The following ASCC2 variants were observed in gnomAD, a reference collection of about 807,000 sequenced individuals.
ASCC2 encodes ASC-1 complex subunit P100.
In ASCC2, 42 loss-of-function variants were observed where a neutral mutation model predicts 93.5. That is an observed-to-expected ratio of 0.45 (90% CI 0.35 to 0.58). The LOEUF is 0.58. Among genes scored for constraint, ASCC2 ranks in the 20% least tolerant of loss-of-function variants. ASCC2 has a pLI of 0.00. For synonymous variants in ASCC2, 364 were observed against 384.2 expected, an observed-to-expected ratio of 0.95 and a Z score of 0.62; for missense variants, 859 against 977.6, an observed-to-expected ratio of 0.88 and a Z score of 1.62.
At chr22:29,799,111 T>G (rs2058778805) in intron 15 of ASCC2, 1 of 152,308 alleles carries the variant, frequency 6.6e-6, no homozygotes, top group Admixed American at 6.5e-5. Context: ...GATGAGACTT[T>G]ACAATACCAT....
In ASCC2 at chr22:29,801,665, G is replaced by A. The variant is rs1433456723; in HGVS notation, c.1568+329C>T. On this transcript the variant is annotated intron_variant, in intron 14 of 19. Transcript: ENST00000307790. ...CTCTCACAAATCTACTGGGAAGGTC[G>A]TAATGACAGGGGCAGGTCAGGAATG... is the stretch of plus-strand genomic sequence containing the variant. Among the ~76,000 whole-genome samples the A allele has an allele frequency of 2.6e-5, 4 of 152,192 alleles. No individual in the cohort carries two copies. The South Asian group carries it at 6.2e-4, about 24-fold the overall frequency.
intron 8 of ASCC2, among the ~76,000 whole-genome samples, chr22:29,809,640 A>C (rs543605433): frequency 2.0e-5 from 3 of 151,982 alleles, no homozygotes; most frequent in African/African-American, 7.2e-5. Flanking sequence ...TTAGCTAGGC[A>C]TGGGGGCGGG....
At chr22:29,829,739 T>C (rs1377271100) in intron 2 of ASCC2, among the ~76,000 whole-genome samples, 1 of 151,808 alleles carries the variant, frequency 6.6e-6, no homozygotes, top group Non-Finnish European at 1.5e-5. Context: ...CCCGAGCTGG[T>C]CTTGAACTCC....
intron 4 of ASCC2, among the ~76,000 whole-genome samples, chr22:29,823,087 G>A (rs936071923): frequency 6.6e-6 from 1 of 151,888 alleles, no homozygotes; most frequent in Non-Finnish European, 1.5e-5. Context: ...TGCCCAGGCT[G>A]GAGTGCAGTG....
chr22:29,824,259 C>T (rs1321783968), intron 4 of ASCC2, among the ~76,000 whole-genome samples: 1 of 121,514 alleles, frequency 8.2e-6, no homozygotes, highest in African/African-American at 3.0e-5. Context: ...AATACACACA[C>T]ACACACACAC....
chr22:29,837,517 C>T (rs1175282140), intron 1 of ASCC2, among the ~76,000 whole-genome samples: 2 of 152,190 alleles, frequency 1.3e-5, no homozygotes, highest in Non-Finnish European at 2.9e-5. Context: ...CTGTGCCCAC[C>T]ACTGTATTCC....
intron 15 of ASCC2, among the ~76,000 whole-genome samples, chr22:29,798,053 C>G (rs1394959961): frequency 6.6e-6 from 1 of 152,224 alleles, no homozygotes; most frequent in Non-Finnish European, 1.5e-5. Flanking sequence ...AGCCACCACG[C>G]CCAGCCGGCA....
chr22:29,817,021 G>A (rs2060942574), intron 5 of ASCC2, among the ~76,000 whole-genome samples: 1 of 152,230 alleles, frequency 6.6e-6, no homozygotes, highest in South Asian at 2.1e-4. Flanking sequence ...TGCAGCCCTT[G>A]CTGGACCCTG....
At chr22:29,818,343 ATG>A (rs1336634123) in intron 5 of ASCC2, among the ~76,000 whole-genome samples, 1 of 148,204 alleles carries the variant, frequency 6.7e-6, no homozygotes, top group Admixed American at 6.8e-5. Flanking sequence ...GCTGCTGTGT[ATG>A]TGTGTGTGAG....
intron 5 of ASCC2, chr22:29,816,818 A>T (rs1602068468): frequency 9.6e-6 from 1 of 104,172 alleles, no homozygotes; most frequent in East Asian, 3.0e-4. Context: ...GGAGAGAGGG[A>T]GGGAGGGAGG....
intron 2 of ASCC2, among the ~76,000 whole-genome samples, chr22:29,827,769 C>T (rs1279347422): frequency 1.5e-5 from 2 of 131,130 alleles, no homozygotes; most frequent in African/African-American, 3.1e-5. Flanking sequence ...CACACACACA[C>T]ACACACACAC....
rs2068486785 is a variant in ASCC2 at position 29,788,960 on chromosome 22, C to T, written c.*53G>A. 3 of 1,609,338 alleles carry T rather than the reference C, an allele frequency of 1.9e-6. No homozygotes were observed. Among genetic ancestry groups the T allele is most frequent in the Admixed American group, 1.7e-5 (1 of 59,842 alleles). ...GTGAGGAGGCCCCAGGCGATGGGAGCACGGCCTGGTGAGTCTGGTGCCGCT... is the reference window on the plus strand; with the variant it reads ...GTGAGGAGGCCCCAGGCGATGGGAGTACGGCCTGGTGAGTCTGGTGCCGCT... On this transcript the variant is annotated 3_prime_UTR_variant, in exon 20 of 20. Transcript: ENST00000307790.
intron 15 of ASCC2, among the ~76,000 whole-genome samples, chr22:29,794,117 G>A (rs373899972): frequency 3.3e-5 from 5 of 151,578 alleles, no homozygotes; most frequent in African/African-American, 1.2e-4. Flanking sequence ...ACTCCTGACC[G>A]CAAGTGATCC....
chr22:29,826,120 A>G, intron 2 of ASCC2: 1 of 194,098 alleles, frequency 5.2e-6, no homozygotes, highest in South Asian at 1.1e-4. Context: ...GAAAAACCAG[A>G]GCATAGTTTT....
chr22:29,820,672 C>T (rs1337818682), intron 5 of ASCC2, among the ~76,000 whole-genome samples: 3 of 151,562 alleles, frequency 2.0e-5, no homozygotes, highest in East Asian at 1.9e-4. Flanking sequence ...AGTGGCTCAC[C>T]GCCTGTAATC....
At chr22:29,838,086 G>A (rs959580984) in intron 1 of ASCC2, 92 bp downstream of exon 1, 1 of 447,128 alleles carries the variant, frequency 2.2e-6, no homozygotes, top group Admixed American at 2.5e-5. Flanking sequence ...ATGGAGGCCA[G>A]AGGATGGGAG....
chr22:29,792,535 C>G lies in ASCC2; in HGVS notation c.1920G>C (p.Arg640Ser), dbSNP rs772837687. ...TCAGCACCTGAGGGATGGTGAATGG[C>G]CTGAGGGTGTGGAGAGAAATGAGAT... ...ADSDDELISRRPFTIPQVLRT... is the reference protein window; with the variant it reads ...ADSDDELISRSPFTIPQVLRT... Residue 640 changes from arginine (R) to serine (S), a missense_variant and splice_region_variant, in exon 18 of 20, where the codon AGG becomes AGC. Coordinates refer to ENST00000307790, the MANE Select transcript of ASCC2 (RefSeq NM_032204.5). 3.1e-6 allele frequency: 5 copies of G among 1,613,608 alleles called. No homozygotes were observed. In the African/African-American group the frequency reaches 6.7e-5, roughly 22 times the overall value.
At chr22:29,808,084 A>G in intron 9 of ASCC2, 27 bp downstream of exon 9, 2 of 1,613,060 alleles carry the variant, frequency 1.2e-6, no homozygotes, top group Non-Finnish European at 8.5e-7. Context: ...TCCCACAACA[A>G]CATTCTTAAT....
At chr22:29,799,506 T>C (rs561473991) in intron 15 of ASCC2, among the ~76,000 whole-genome samples, 1 of 152,306 alleles carries the variant, frequency 6.6e-6, no homozygotes, top group East Asian at 1.9e-4. Flanking sequence ...CACAGGGCCC[T>C]AACTGAAGAA....
Sources: allele counts gnomAD v4.1 joint callset (sites outside exome capture counted in the v4.1 genomes callset), GRCh38; gene constraint gnomAD v4.1.1; transcripts MANE v1.5; gene names NCBI Gene and HGNC (gene_info 2026-07-23, HGNC 2026-07-21).